The following ZNF385D variants were observed in gnomAD, a reference collection of about 807,000 sequenced individuals.
ZNF385D encodes the protein zinc finger protein 385D, also known as zinc finger protein 659.
Under a neutral mutation model 35.8 loss-of-function variants are expected in ZNF385D, and 15 were observed. The observed-to-expected ratio is 0.42, with a 90% CI of 0.28 to 0.64. The LOEUF (loss-of-function observed/expected upper bound fraction) is 0.64, where lower values mean the gene tolerates loss of function less well. ZNF385D is among the 30% of genes least tolerant of loss of function. The probability of loss-of-function intolerance (pLI) is 0.23; values close to 1 mark genes in which losing one functional copy is unlikely to be tolerated. For synonymous variants in ZNF385D, 212 were observed against 186.8 expected, an observed-to-expected ratio of 1.13 and a Z score of -1.10; for missense variants, 474 against 494.6, an observed-to-expected ratio of 0.96 and a Z score of 0.39.
chr3:21,641,530 C>A (rs1559482533), intron 2 of ZNF385D, among the ~76,000 whole-genome samples: 1 of 151,874 alleles, frequency 6.6e-6, no homozygotes, highest in East Asian at 1.9e-4. Context: ...TCTTGTTATA[C>A]CATTATTACA....
chr3:22,154,740 T>G (rs1705476981), intron 3 of ZNF385D, among the ~76,000 whole-genome samples: 1 of 152,168 alleles, frequency 6.6e-6, no homozygotes, highest in South Asian at 2.1e-4. Context: ...AAATCACATG[T>G]GATAAACAAG....
At chr3:22,372,418 A>C (rs1696954493) in intron 2 of ZNF385D, 1 of 982,282 alleles carries the variant, frequency 1.0e-6, no homozygotes, top group Admixed American at 6.2e-5. Flanking sequence ...CCGCCACCTG[A>C]ACCGAGACAC....
intron 3 of ZNF385D, among the ~76,000 whole-genome samples, chr3:21,785,386 A>G (rs899931050): frequency 6.6e-6 from 1 of 152,136 alleles, no homozygotes; most frequent in Non-Finnish European, 1.5e-5. Context: ...TTTTGTGTGT[A>G]TATATATGTG....
At chr3:22,133,301 G>A (rs1411683620) in intron 3 of ZNF385D, among the ~76,000 whole-genome samples, 1 of 151,872 alleles carries the variant, frequency 6.6e-6, no homozygotes, top group Non-Finnish European at 1.5e-5. Context: ...AAAATCTGAA[G>A]TTTAAAAAAG....
intron 3 of ZNF385D, among the ~76,000 whole-genome samples, chr3:21,997,623 A>G (rs995749945): frequency 6.6e-6 from 1 of 151,772 alleles, no homozygotes; most frequent in Non-Finnish European, 1.5e-5. Flanking sequence ...GAGAGAGTGT[A>G]AGTGTTTCAT....
At chr3:21,496,061 CT>C (rs1417117654) in intron 4 of ZNF385D, among the ~76,000 whole-genome samples, 7 of 151,600 alleles carry the variant, frequency 4.6e-5, no homozygotes, top group Admixed American at 2.6e-4. Flanking sequence ...GATAAAAAGC[CT>C]GGTAACCCCA....
intron 3 of ZNF385D, among the ~76,000 whole-genome samples, chr3:22,133,360 T>G (rs1457433432): frequency 6.6e-6 from 1 of 151,744 alleles, no homozygotes; most frequent in Non-Finnish European, 1.5e-5. Flanking sequence ...ACTCTCTATA[T>G]CTCTATATGG....
chr3:22,358,902 A>C (rs1477286698), intron 2 of ZNF385D, among the ~76,000 whole-genome samples: 1 of 151,590 alleles, frequency 6.6e-6, no homozygotes, highest in African/African-American at 2.4e-5. Context: ...AGTTATTGGA[A>C]CCATCTGTAT....
chr3:21,658,896 C>T (rs73138831), intron 2 of ZNF385D, among the ~76,000 whole-genome samples: 1,554 of 152,078 alleles, frequency 0.01, 28 homozygotes, highest in African/African-American at 0.036. Flanking sequence ...CTAGAGGTAC[C>T]TGCCAGTGTA....
intron 3 of ZNF385D, among the ~76,000 whole-genome samples, chr3:22,116,844 T>C (rs1205641392): frequency 1.3e-5 from 2 of 152,078 alleles, no homozygotes; most frequent in African/African-American, 4.8e-5. Context: ...ATAAGCTCTT[T>C]ATAGAAATTG....
intron 1 of ZNF385D, among the ~76,000 whole-genome samples, chr3:21,740,324 G>A (rs534294551): frequency 1.1e-4 from 16 of 152,276 alleles, no homozygotes; most frequent in Non-Finnish European, 1.5e-4. Context: ...AACATTTAAC[G>A]TCTGGGAGCT....
chr3:21,713,710 A>G (rs758932284), intron 1 of ZNF385D, among the ~76,000 whole-genome samples: 7 of 152,076 alleles, frequency 4.6e-5, no homozygotes, highest in Non-Finnish European at 7.4e-5. Flanking sequence ...GGAGTATCTG[A>G]TCCTTAGCCT....
At chr3:21,602,763 A>G (rs6781888) in intron 2 of ZNF385D, among the ~76,000 whole-genome samples, 5,641 of 150,676 alleles carry the variant, frequency 0.037, 346 homozygotes, top group African/African-American at 0.13. Flanking sequence ...TCGATCTCCT[A>G]ACCTCATGAT....
At chr3:21,442,263 AT>A (rs1701900802) in intron 4 of ZNF385D, among the ~76,000 whole-genome samples, 1 of 152,154 alleles carries the variant, frequency 6.6e-6, no homozygotes, top group Non-Finnish European at 1.5e-5. Context: ...TGGAAAAACC[AT>A]AGGTGAGTTA....
intron 3 of ZNF385D, among the ~76,000 whole-genome samples, chr3:21,983,529 G>A (rs1289902017): frequency 1.4e-5 from 2 of 144,738 alleles, no homozygotes; most frequent in Non-Finnish European, 3.0e-5. Flanking sequence ...ATTCCATGGT[G>A]TATATGTGCC....
intron 1 of ZNF385D, among the ~76,000 whole-genome samples, chr3:21,700,294 T>C (rs1294491190): frequency 1.3e-5 from 2 of 152,056 alleles, no homozygotes; most frequent in Admixed American, 1.3e-4. Flanking sequence ...TGTAGGTTTC[T>C]AGGGGAAGAA....
At chr3:21,721,794 A>G (rs2068551519) in intron 1 of ZNF385D, among the ~76,000 whole-genome samples, 1 of 152,190 alleles carries the variant, frequency 6.6e-6, no homozygotes. Flanking sequence ...CTGTAACAGT[A>G]TCCTATCTTA....
intron 2 of ZNF385D, among the ~76,000 whole-genome samples, chr3:22,325,493 G>A (rs897325290): frequency 1.3e-5 from 2 of 152,168 alleles, no homozygotes; most frequent in Non-Finnish European, 2.9e-5. Context: ...GACAGGCACG[G>A]TGATGCACGC....
intron 3 of ZNF385D, among the ~76,000 whole-genome samples, chr3:22,103,227 A>G (rs1050578700): frequency 8.1e-6 from 1 of 123,310 alleles, no homozygotes; most frequent in African/African-American, 3.0e-5. Context: ...TTTTTTTTTT[A>G]AATACATGTC....
Sources: gnomAD v4.1 joint callset for allele counts (sites outside exome capture counted in the v4.1 genomes callset) on GRCh38, gnomAD v4.1.1 for gene constraint, MANE v1.5 for transcripts, NCBI Gene and HGNC (gene_info 2026-07-23, HGNC 2026-07-21) for gene names.